The following PTPRD variants were observed in gnomAD, a reference collection of about 807,000 sequenced individuals.
The protein encoded by PTPRD is protein tyrosine phosphatase receptor type D.
PTPRD carries 34 observed loss-of-function variants against 214.5 expected under a neutral mutation model. The observed-to-expected ratio is 0.16, with a 90% confidence interval of 0.12 to 0.21. The LOEUF is 0.21. PTPRD is among the 10% of genes least tolerant of loss of function. The pLI, the probability that PTPRD is intolerant of heterozygous loss-of-function variation, is 1.00. For synonymous variants in PTPRD, 1,128 were observed against 845.7 expected (o/e 1.33, Z -5.79); for missense variants, 2,545 against 2,398.7 (o/e 1.06, Z -1.27).
At chr9:8,939,707 A>G (rs1396843058) in intron 11 of PTPRD, among the ~76,000 whole-genome samples, 1 of 152,148 alleles carries the variant, frequency 6.6e-6, no homozygotes, top group African/African-American at 2.4e-5. Context: ...GTTTTGGGAG[A>G]CAGCTAAGGA....
intron 9 of PTPRD, among the ~76,000 whole-genome samples, chr9:9,280,659 G>A (rs1252616916): frequency 6.6e-6 from 1 of 151,244 alleles, no homozygotes; most frequent in Non-Finnish European, 1.5e-5. Flanking sequence ...GATATTTCAT[G>A]TTAATGAATA....
At chr9:8,583,216 T>G (rs2093340611) in intron 14 of PTPRD, among the ~76,000 whole-genome samples, 1 of 152,212 alleles carries the variant, frequency 6.6e-6, no homozygotes, top group Middle Eastern at 3.2e-3. Context: ...GAGGCAGAGC[T>G]CAGGCCATAA....
chr9:9,631,009 G>A (rs747251334), intron 7 of PTPRD, among the ~76,000 whole-genome samples: 7 of 151,920 alleles, frequency 4.6e-5, no homozygotes, highest in Admixed American at 2.0e-4. Flanking sequence ...TAATGAAAGG[G>A]GCAGTCAACT....
chr9:9,770,417 A>T (rs1037177139), intron 5 of PTPRD, among the ~76,000 whole-genome samples: 1 of 152,168 alleles, frequency 6.6e-6, no homozygotes, highest in Non-Finnish European at 1.5e-5. Flanking sequence ...ACACCAAAAT[A>T]ACAACTGAAC....
intron 9 of PTPRD, among the ~76,000 whole-genome samples, chr9:9,390,492 T>A (rs2065425807): frequency 6.6e-6 from 1 of 151,976 alleles, no homozygotes; most frequent in African/African-American, 2.4e-5. Flanking sequence ...CTATCTAATG[T>A]CCTAAAGTAT....
intron 35 of PTPRD, among the ~76,000 whole-genome samples, chr9:8,414,241 T>G (rs2093731746): frequency 6.6e-6 from 1 of 152,134 alleles, no homozygotes; most frequent in South Asian, 2.1e-4. Flanking sequence ...AGCTCACAAG[T>G]GGCTACAACC....
chr9:9,144,781 A>G (rs2099865968), intron 10 of PTPRD, among the ~76,000 whole-genome samples: 1 of 152,014 alleles, frequency 6.6e-6, no homozygotes, highest in African/African-American at 2.4e-5. Context: ...AAAAACAAAA[A>G]CAAACACAAA....
chr9:9,826,159 T>A lies in PTPRD; in HGVS notation c.-367-59308A>T, dbSNP rs13286058. On this transcript the variant is annotated intron_variant, in intron 5 of 45. Transcript: ENST00000381196. ...TTTGTCTTTAATAGTTTTTACGTCT[T>A]TCTACACTTTTCTTTTTACTTTCTA... 4.3e-3 allele frequency among the ~76,000 whole-genome samples: 659 copies of A among 151,886 alleles called. 9 individuals are homozygous for A. The highest frequency in any genetic ancestry group is 4.9e-3 in the Non-Finnish European group (330 of 67,846).
intron 2 of PTPRD, among the ~76,000 whole-genome samples, chr9:10,410,310 A>G (rs529191338): frequency 4.5e-4 from 63 of 139,384 alleles, no homozygotes; most frequent in African/African-American, 1.5e-3. Flanking sequence ...TAATATATAT[A>G]TAAAACATAA....
chr9:10,064,471 A>G (rs1248679099), intron 3 of PTPRD, among the ~76,000 whole-genome samples: 2 of 152,114 alleles, frequency 1.3e-5, no homozygotes, highest in East Asian at 1.9e-4. Flanking sequence ...TATCTCTGAT[A>G]TCTACTTTTC....
chr9:9,206,506 T>C (rs1370711843), intron 9 of PTPRD, among the ~76,000 whole-genome samples: 1 of 152,128 alleles, frequency 6.6e-6, no homozygotes, highest in Non-Finnish European at 1.5e-5. Flanking sequence ...AGTGTGTCTG[T>C]GAGGTTGTTG....
chr9:9,397,949 C>T (rs764707280), intron 8 of PTPRD, among the ~76,000 whole-genome samples: 25 of 151,940 alleles, frequency 1.6e-4, no homozygotes, highest in Admixed American at 3.3e-4. Flanking sequence ...GCATAGCATT[C>T]AGGAGCTTTA....
At chr9:9,811,204 A>G (rs1321889966) in intron 5 of PTPRD, among the ~76,000 whole-genome samples, 1 of 152,120 alleles carries the variant, frequency 6.6e-6, no homozygotes, top group African/African-American at 2.4e-5. Flanking sequence ...ACTCTGTCTC[A>G]AAATAAATCA....
chr9:10,280,660 G>A (rs1027184815), intron 3 of PTPRD, among the ~76,000 whole-genome samples: 3 of 152,046 alleles, frequency 2.0e-5, no homozygotes, highest in South Asian at 4.2e-4. Flanking sequence ...CTGGAGTGCT[G>A]TGGCACAATC....
intron 11 of PTPRD, among the ~76,000 whole-genome samples, chr9:8,846,351 C>A (rs193048993): frequency 6.6e-6 from 1 of 152,164 alleles, no homozygotes; most frequent in Non-Finnish European, 1.5e-5. Context: ...TACTATTGCA[C>A]CGAGCCAGGC....
intron 11 of PTPRD, among the ~76,000 whole-genome samples, chr9:8,867,183 CTCTTTCTTCCT>C (rs983382234): frequency 1.1e-4 from 17 of 152,156 alleles, no homozygotes; most frequent in Non-Finnish European, 2.1e-4. Context: ...CTCCCTTCTT[CTCTTTCTTCCT>C]TCTTTCTTCC....
chr9:9,180,528 C>T (rs1304614108), intron 10 of PTPRD, among the ~76,000 whole-genome samples: 3 of 151,540 alleles, frequency 2.0e-5, no homozygotes, highest in African/African-American at 7.3e-5. Context: ...AGCACACCAA[C>T]ATGGCACATG....
chr9:9,466,600 A>C (rs1246966404), intron 8 of PTPRD, among the ~76,000 whole-genome samples: 1 of 152,210 alleles, frequency 6.6e-6, no homozygotes, highest in East Asian at 1.9e-4. Context: ...ATGAATGACC[A>C]AGCCTTCCCC....
intron 2 of PTPRD, among the ~76,000 whole-genome samples, chr9:10,396,754 G>A (rs78897489): frequency 6.6e-6 from 1 of 151,994 alleles, no homozygotes; most frequent in Non-Finnish European, 1.5e-5. Context: ...TGCCTGTAAT[G>A]CAATACTGAA....
Sources: gnomAD v4.1 joint callset for allele counts (sites outside exome capture counted in the v4.1 genomes callset) on GRCh38, gnomAD v4.1.1 for gene constraint, MANE v1.5 for transcripts, NCBI Gene and HGNC (gene_info 2026-07-23, HGNC 2026-07-21) for gene names.